Variants in SORBS2 observed in about 807,000 individuals in gnomAD.
The protein encoded by SORBS2 is sorbin and SH3 domain-containing protein 2.
Under a neutral mutation model 97.7 loss-of-function variants are expected in SORBS2, and 46 were observed. The ratio of observed to expected loss-of-function variants is 0.47; its 90% CI spans 0.37 to 0.60. The LOEUF (loss-of-function observed/expected upper bound fraction) is 0.60, where lower values mean the gene tolerates loss of function less well. Ranked by LOEUF, SORBS2 falls within the 20% of genes least tolerant of loss-of-function variation. The pLI, the probability that SORBS2 is intolerant of heterozygous loss-of-function variation, is 0.00. For missense variants in SORBS2, 1,316 were observed against 1,282.3 expected, an observed-to-expected ratio of 1.03 and a Z score of -0.40; for synonymous variants, 476 against 473.4, an observed-to-expected ratio of 1.01 and a Z score of -0.07.
intron 1 of SORBS2, among the ~76,000 whole-genome samples, chr4:185,845,766 A>T (rs2099214194): frequency 6.6e-6 from 1 of 152,252 alleles, no homozygotes; most frequent in African/African-American, 2.4e-5. Flanking sequence ...TTGAACAGGT[A>T]CTTTAACCAA....
intron 1 of SORBS2, among the ~76,000 whole-genome samples, chr4:185,793,928 C>G (rs1287073254): frequency 6.6e-6 from 1 of 152,216 alleles, no homozygotes; most frequent in African/African-American, 2.4e-5. Context: ...ATGACTGGGC[C>G]TTGGTCCCCG....
chr4:185,868,859 A>G (rs1215252536), intron 1 of SORBS2, among the ~76,000 whole-genome samples: 1 of 152,230 alleles, frequency 6.6e-6, no homozygotes, highest in African/African-American at 2.4e-5. Context: ...GTCAGCTATA[A>G]ATCACATGTT....
intron 12 of SORBS2, among the ~76,000 whole-genome samples, chr4:185,597,970 C>A (rs3762923): frequency 0.18 from 27,693 of 152,158 alleles, 3,320 homozygotes; most frequent in East Asian, 0.33. Context: ...TTTGAGAAAG[C>A]ATCCCTTGTA....
chr4:185,826,848 C>T (rs1017136981), intron 1 of SORBS2, among the ~76,000 whole-genome samples: 4 of 152,284 alleles, frequency 2.6e-5, no homozygotes, highest in African/African-American at 9.6e-5. Flanking sequence ...TTATGTCCCT[C>T]GGTTCTTTTA....
chr4:185,661,574 G>A (rs761475308), upstream of SORBS2, among the ~76,000 whole-genome samples: 8 of 152,134 alleles, frequency 5.3e-5, no homozygotes, highest in Non-Finnish European at 1.0e-4. Flanking sequence ...CTCTTGTGTG[G>A]CTTCCTGCTA....
chr4:185,797,929 C>T (rs2099113178), intron 1 of SORBS2, among the ~76,000 whole-genome samples: 1 of 152,192 alleles, frequency 6.6e-6, no homozygotes, highest in Admixed American at 6.5e-5. Context: ...CTAGAAGGGT[C>T]AGTCACACTC....
chr4:185,658,220 A>G (rs76473951), upstream of SORBS2, among the ~76,000 whole-genome samples: 549 of 152,314 alleles, frequency 3.6e-3, 2 homozygotes, highest in African/African-American at 0.012. Context: ...ACGATTTCCT[A>G]TGTGCATTTT....
intron 2 of SORBS2, among the ~76,000 whole-genome samples, chr4:185,757,887 A>AT (rs1482791121): frequency 1.3e-5 from 2 of 152,146 alleles, no homozygotes; most frequent in Admixed American, 1.3e-4. Context: ...CAGCTTTCCT[A>AT]TTTTACTCAT....
chr4:185,712,396 C>T (rs1406404338), intron 2 of SORBS2, among the ~76,000 whole-genome samples: 6 of 152,174 alleles, frequency 3.9e-5, no homozygotes, highest in East Asian at 1.9e-4. Context: ...GCCACTTTAT[C>T]GGCAATAAAA....
upstream of SORBS2, among the ~76,000 whole-genome samples, chr4:185,659,540 C>A (rs1014890156): frequency 1.3e-5 from 2 of 152,000 alleles, no homozygotes; most frequent in African/African-American, 4.8e-5. Flanking sequence ...CCTCAGCCTC[C>A]CGAGTAGCTG....
intron 5 of SORBS2, 80 bp downstream of exon 17, chr4:185,630,459 ATACTCATTAC>A: frequency 1.4e-6 from 1 of 709,494 alleles, no homozygotes; most frequent in Non-Finnish European, 2.3e-6. Flanking sequence ...GTGATACATG[ATACTCATTAC>A]TACTTCACTG....
rs540164779 is a variant in SORBS2, at chr4:185,747,927, G to T, written c.-198+27300C>A. ...AATCACTTGAACCCAGGAGGCGGAG[G>T]TTGCAGTGAGCTGAGACCGTAACAC... On this transcript the variant is annotated intron_variant, in intron 2 of 20. Transcript: ENST00000284776. Among the ~76,000 whole-genome samples, 9 of 152,114 alleles carry T rather than the reference G, an allele frequency of 5.9e-5. No homozygotes were observed. In the East Asian group the frequency reaches 1.5e-3, roughly 26 times the overall value.
At chr4:185,849,257 A>G (rs2099216401) in intron 1 of SORBS2, among the ~76,000 whole-genome samples, 1 of 152,172 alleles carries the variant, frequency 6.6e-6, no homozygotes. Context: ...TCTAGAGAGC[A>G]GACACTACCC....
At chr4:185,930,449 C>A (rs1330461787) in intron 1 of SORBS2, among the ~76,000 whole-genome samples, 1 of 152,054 alleles carries the variant, frequency 6.6e-6, no homozygotes, top group Non-Finnish European at 1.5e-5. Context: ...CGACCGCCAC[C>A]ACCACGCCCG....
At chr4:185,790,799 T>C (rs920566541) in intron 1 of SORBS2, among the ~76,000 whole-genome samples, 3 of 152,200 alleles carry the variant, frequency 2.0e-5, no homozygotes, top group Non-Finnish European at 2.9e-5. Context: ...TAGGGAACAA[T>C]TCAAGATTCC....
At chr4:185,839,090 G>A (rs2099209946) in intron 1 of SORBS2, among the ~76,000 whole-genome samples, 1 of 152,208 alleles carries the variant, frequency 6.6e-6, no homozygotes, top group African/African-American at 2.4e-5. Context: ...GGAGAACACT[G>A]CTCTTTCTCA....
chr4:185,770,073 C>T (rs1191652174), intron 2 of SORBS2, among the ~76,000 whole-genome samples: 3 of 130,888 alleles, frequency 2.3e-5, no homozygotes, highest in Non-Finnish European at 3.1e-5. Context: ...GGCATTCTGC[C>T]GGATGGCATT....
intron 2 of SORBS2, among the ~76,000 whole-genome samples, chr4:185,715,262 G>A (rs1327276078): frequency 2.6e-5 from 4 of 152,068 alleles, no homozygotes; most frequent in African/African-American, 9.7e-5. Flanking sequence ...ATTATGCCAG[G>A]CAATAAGGCG....
Position 185,606,510 on chromosome 4 carries a change from T to G in SORBS2, c.2796+5270A>C. On this transcript the variant is annotated intron_variant, in intron 12 of 14. Coordinates refer to ENST00000418609, the Ensembl canonical transcript of SORBS2. The surrounding 1 kb of genome is among the most constrained non-coding windows in gnomAD (Gnocchi z 4.3). The stretch of plus-strand genomic sequence containing the variant: ...ATCTGTTAGTCAAAATAGGTATTTA[T>G]TAATATGATTAACTCTAATAGCTAA... 1 of 983,456 alleles carries G rather than the reference T, an allele frequency of 1.0e-6. No individual in the cohort carries two copies. The highest frequency in any genetic ancestry group is 4.7e-5 in the South Asian group (1 of 21,248). 60.9% of individuals were successfully genotyped at this position (983,456 alleles called of 1,614,324 possible). A position where few individuals can be genotyped will look rare whatever the true frequency, so the allele number is the denominator to read the frequency against.
Sources: gnomAD v4.1 joint callset for allele counts (sites outside exome capture counted in the v4.1 genomes callset) on GRCh38, gnomAD v4.1.1 for gene constraint, Gnocchi (gnomAD v3.1) non-coding constraint, MANE v1.5 for transcripts, NCBI Gene and HGNC (gene_info 2026-07-23, HGNC 2026-07-21) for gene names.